RAB1A: variants seen among roughly 807,000 people sequenced by gnomAD.
The protein encoded by RAB1A is RAB1A, member RAS oncogene family.
RAB1A carries 2 observed loss-of-function variants against 26.0 expected under a neutral mutation model. The ratio of observed to expected loss-of-function variants is 0.08; its 90% confidence interval spans 0.03 to 0.24. The LOEUF is 0.24. Ranked by LOEUF, RAB1A falls within the 10% of genes least tolerant of loss-of-function variation. RAB1A has a pLI of 1.00. For synonymous variants in RAB1A, 84 were observed against 84.9 expected (o/e 0.99, Z 0.06); for missense variants, 100 against 247.0 (o/e 0.40, Z 3.99).
intron 1 of RAB1A, 67 bp downstream of exon 1, chr2:65,129,826 C>A: frequency 6.4e-7 from 1 of 1,559,286 alleles, no homozygotes; most frequent in East Asian, 2.4e-5. Context: ...CCCAACCCTC[C>A]TCGACCCCTT....
rs750896359 is a variant in RAB1A at position 65,097,955 on chromosome 2, T to C, written c.192+16A>G. 7.0e-7 allele frequency: 1 copy of C among 1,426,824 alleles called. No homozygotes were observed. Among genetic ancestry groups the C allele is most frequent in the South Asian group, 1.3e-5 (1 of 76,648 alleles). 88.4% of individuals were successfully genotyped at this position (1,426,824 alleles called of 1,614,324 possible). Reference sequence around the variant, plus strand: ...CCAAAATAAATTTCAAAAAAATTACTAGCCAAGTCACTTACTATTTGAAGC... The same window carrying C: ...CCAAAATAAATTTCAAAAAAATTACCAGCCAAGTCACTTACTATTTGAAGC... On this transcript the variant is annotated intron_variant, in intron 3 of 5. Transcript: ENST00000409784.
intron 1 of RAB1A, among the ~76,000 whole-genome samples, chr2:65,125,675 A>G (rs1005971560): frequency 2.0e-5 from 3 of 151,246 alleles, no homozygotes; most frequent in African/African-American, 7.3e-5. Flanking sequence ...CGGCCTCCCA[A>G]AGTGCTGAGA....
In RAB1A at chr2:65,088,566, G is replaced by A. The variant is rs1446088993; in HGVS notation, c.545C>T (p.Ala182Val). The change falls in exon 6 of 6, where the codon GCT becomes GTT. Residue 182 changes from alanine (A) to valine (V), a missense_variant. Ala to Val is a moderately conservative substitution (Grantham distance 64). Coordinates refer to ENST00000409784, the MANE Select transcript of RAB1A (RefSeq NM_004161.5). Reference protein sequence around the residue: ...IKKRMGPGATAGGAEKSNVKI... With the variant: ...IKKRMGPGATVGGAEKSNVKI... ...AACATTGGACTTCTCAGCACCACCA[G>A]CTGTTGCTCCGGGACCCATTCGCTT... 24 of 1,613,644 alleles carry A rather than the reference G, an allele frequency of 1.5e-5. 1 individual carries two copies. The South Asian group carries it at 2.2e-4, about 15-fold the overall frequency.
Position 65,098,006 on chromosome 2 carries a change from T to C in RAB1A, c.157A>G (p.Ile53Val). Residue 53 changes from isoleucine to valine, a missense_variant, in exon 3 of 6, where the codon ATA (isoleucine) becomes GTA (valine). Coordinates refer to ENST00000409784, the MANE Select transcript of RAB1A (RefSeq NM_004161.5). The stretch of plus-strand genomic sequence containing the variant: ...TTGATTGTTTTCCCGTCTAACTCTA[T>C]AGTTCTTATTTTGAAATCCACACCA... ...TIGVDFKIRT[I>V]ELDGKTIKLQ... is the part of the protein sequence containing the mutation. The C allele has an allele frequency of 2.5e-6, 4 of 1,585,060 alleles. No individual in the cohort carries two copies. The highest frequency in any genetic ancestry group is 3.4e-6 in the Non-Finnish European group (4 of 1,162,584).
At position 65,114,690 on chromosome 2, in the gene RAB1A, A is replaced by C. The variant is rs574545593; in HGVS notation, c.24-9884T>G. On this transcript the variant is annotated intron_variant, in intron 1 of 5. Transcript: ENST00000409784. ...AACCCCGTCTCTACTAAAAAAATAC[A>C]AAAAATTAGCCGGGCGCGGTGGCGG... 1.1e-4 allele frequency among the ~76,000 whole-genome samples: 16 copies of C among 151,972 alleles called. No homozygotes were observed. In the South Asian group the frequency reaches 3.3e-3, roughly 32 times the overall value.
rs188048897 is a variant in RAB1A, at chr2:65,090,810, C to T, written c.288+173G>A. ...CTAATTACTAATCTTTTATTTATTA[C>T]AGGAAAACAAATGTCTTTTAAGTGA... On this transcript the variant is annotated intron_variant, in intron 4 of 5. Coordinates refer to ENST00000409784, the MANE Select transcript of RAB1A (RefSeq NM_004161.5). Among the ~76,000 whole-genome samples the T allele has an allele frequency of 2.7e-3, 404 of 152,280 alleles. 4 individuals are homozygous for T. The highest frequency in any genetic ancestry group is 3.6e-3 in the Non-Finnish European group (246 of 68,026).
At chr2:65,110,831 G>A (rs1669678463) in intron 1 of RAB1A, among the ~76,000 whole-genome samples, 4 of 152,002 alleles carry the variant, frequency 2.6e-5, no homozygotes, top group African/African-American at 9.7e-5. Context: ...AGCTACTTGA[G>A]AGGCTGAGGC....
chr2:65,107,633 G>C (rs1669592342), intron 1 of RAB1A, among the ~76,000 whole-genome samples: 1 of 152,036 alleles, frequency 6.6e-6, no homozygotes, highest in Non-Finnish European at 1.5e-5. Context: ...GACTTAGTAG[G>C]GAGGTTTTTA....
At chr2:65,124,083 T>G (rs886396425) in intron 1 of RAB1A, among the ~76,000 whole-genome samples, 2 of 151,648 alleles carry the variant, frequency 1.3e-5, no homozygotes, top group African/African-American at 4.8e-5. Flanking sequence ...TTTTCCCAGA[T>G]TCAAGCGATT....
chr2:65,118,485 T>C (rs1669874879), intron 1 of RAB1A, among the ~76,000 whole-genome samples: 3 of 152,156 alleles, frequency 2.0e-5, no homozygotes. Context: ...TGTTTGTTTG[T>C]TTGTTTTTTT....
intron 1 of RAB1A, among the ~76,000 whole-genome samples, chr2:65,125,877 T>C (rs1670087733): frequency 7.1e-6 from 1 of 139,876 alleles, no homozygotes. Context: ...TTTTTTTTTT[T>C]TTTTTTTTTT....
chr2:65,094,864 T>C (rs553261477), intron 3 of RAB1A, among the ~76,000 whole-genome samples: 6 of 152,250 alleles, frequency 3.9e-5, no homozygotes, highest in African/African-American at 1.4e-4. Flanking sequence ...GTTCTGAAAA[T>C]ATCATTACAG....
chr2:65,109,592 C>T (rs1011455966), intron 1 of RAB1A, among the ~76,000 whole-genome samples: 2 of 151,906 alleles, frequency 1.3e-5, no homozygotes, highest in Non-Finnish European at 2.9e-5. Flanking sequence ...TGCCTGTAAT[C>T]CCAGCTACTT....
chr2:65,128,054 G>A (rs1262205599), intron 1 of RAB1A, among the ~76,000 whole-genome samples: 5 of 152,030 alleles, frequency 3.3e-5, no homozygotes, highest in Admixed American at 1.3e-4. Context: ...CTTCTTAAGC[G>A]CAAGGATTAT....
intron 1 of RAB1A, chr2:65,106,284 T>C (rs908685792): frequency 4.9e-5 from 12 of 242,660 alleles, no homozygotes; most frequent in Middle Eastern, 6.7e-4. Flanking sequence ...TTGTAGAAGA[T>C]ATACATGATT....
chr2:65,108,080 C>T (rs1441748888), intron 1 of RAB1A, among the ~76,000 whole-genome samples: 4 of 144,884 alleles, frequency 2.8e-5, no homozygotes, highest in African/African-American at 1.0e-4. Context: ...AAATCAACAA[C>T]TCTATTTCAG....
chr2:65,109,096 A>G (rs577866475), intron 1 of RAB1A, among the ~76,000 whole-genome samples: 27 of 152,356 alleles, frequency 1.8e-4, no homozygotes, highest in Admixed American at 3.9e-4. Flanking sequence ...TACCTACTAC[A>G]GAAGTAGTTT....
intron 2 of RAB1A, among the ~76,000 whole-genome samples, chr2:65,104,487 T>A (rs1669507876): frequency 6.6e-6 from 1 of 152,226 alleles, no homozygotes; most frequent in Admixed American, 6.5e-5. Context: ...GCTGTTTGAC[T>A]CTGACCAAAA....
At chr2:65,114,866 A>AC (rs1366202405) in intron 1 of RAB1A, among the ~76,000 whole-genome samples, 1 of 17,248 alleles carries the variant, frequency 5.8e-5, no homozygotes, top group Non-Finnish European at 1.5e-4. Context: ...AAAAAAAACA[A>AC]AAAAAAAACC....
Sources: allele counts gnomAD v4.1 joint callset (sites outside exome capture counted in the v4.1 genomes callset), GRCh38; gene constraint gnomAD v4.1.1; transcripts MANE v1.5; gene names NCBI Gene and HGNC (gene_info 2026-07-23, HGNC 2026-07-21).